DCDC1: variants seen among roughly 807,000 people sequenced by gnomAD.
The protein encoded by DCDC1 is doublecortin domain containing 1.
In DCDC1, 200 loss-of-function variants were observed where a neutral mutation model predicts 178.3. The observed-to-expected ratio is 1.12, with a 90% confidence interval of 1.00 to 1.26. The LOEUF (loss-of-function observed/expected upper bound fraction) is 1.26, where lower values mean the gene tolerates loss of function less well. DCDC1 is among the 50% of genes most tolerant of loss of function. DCDC1 has a pLI of 0.00. For synonymous variants in DCDC1, 690 were observed against 604.8 expected, an observed-to-expected ratio of 1.14 and a Z score of -2.07; for missense variants, 1,983 against 1,749.2, an observed-to-expected ratio of 1.13 and a Z score of -2.38.
At chr11:31,213,606 G>C (rs979798764) in intron 9 of DCDC1, among the ~76,000 whole-genome samples, 1 of 151,762 alleles carries the variant, frequency 6.6e-6, no homozygotes, top group African/African-American at 2.4e-5. Context: ...TGTAATCCCA[G>C]CTATTCAGGA....
chr11:30,910,760 T>G (rs1380173820), intron 28 of DCDC1, among the ~76,000 whole-genome samples: 4 of 152,140 alleles, frequency 2.6e-5, no homozygotes, highest in Non-Finnish European at 5.9e-5. Context: ...TGTCCAAAAC[T>G]CAAATGAAGC....
intron 6 of DCDC1, among the ~76,000 whole-genome samples, chr11:31,301,000 G>A (rs1948076169): frequency 6.6e-6 from 1 of 151,816 alleles, no homozygotes; most frequent in Admixed American, 6.6e-5. Flanking sequence ...ACACTTTTTT[G>A]GTCCATCTCT....
At chr11:30,912,549 C>T (rs1213216417) in intron 27 of DCDC1, among the ~76,000 whole-genome samples, 1 of 152,186 alleles carries the variant, frequency 6.6e-6, no homozygotes, top group African/African-American at 2.4e-5. Flanking sequence ...TCCCAAAGTG[C>T]TGGGATTACA....
intron 20 of DCDC1, among the ~76,000 whole-genome samples, chr11:30,977,099 A>G (rs1469505640): frequency 6.6e-6 from 1 of 152,184 alleles, no homozygotes; most frequent in East Asian, 1.9e-4. Context: ...AATATCACAC[A>G]TTCTCACTCA....
intron 20 of DCDC1, among the ~76,000 whole-genome samples, chr11:31,061,619 C>G (rs764523294): frequency 6.6e-6 from 1 of 151,992 alleles, no homozygotes. Context: ...ATCACATAAA[C>G]CCTGAGAAAT....
intron 9 of DCDC1, among the ~76,000 whole-genome samples, chr11:31,213,139 C>CTCTCTCTT (rs1565442401): frequency 6.4e-5 from 9 of 140,394 alleles, no homozygotes; most frequent in Non-Finnish European, 1.4e-4. Flanking sequence ...CTCTCTCTCT[C>CTCTCTCTT]TCTCTCTCTC....
At chr11:31,083,849 A>G (rs1046389412) in intron 17 of DCDC1, among the ~76,000 whole-genome samples, 1 of 152,226 alleles carries the variant, frequency 6.6e-6, no homozygotes, top group Non-Finnish European at 1.5e-5. Context: ...TTAGTTGAAC[A>G]CTAAAGTCCA....
chr11:30,934,075 T>G (rs344342), intron 21 of DCDC1, among the ~76,000 whole-genome samples: 3,308 of 152,258 alleles, frequency 0.022, 128 homozygotes, highest in African/African-American at 0.076. Flanking sequence ...TACCATCCCT[T>G]TGAGTGCATT....
chr11:30,949,547 C>G (rs1012621409), intron 21 of DCDC1, among the ~76,000 whole-genome samples: 1 of 152,128 alleles, frequency 6.6e-6, no homozygotes, highest in African/African-American at 2.4e-5. Flanking sequence ...TATAAAGACA[C>G]ATGCACATGT....
intron 1 of DCDC1, among the ~76,000 whole-genome samples, chr11:31,352,350 A>G (rs1383112225): frequency 6.6e-6 from 1 of 152,194 alleles, no homozygotes; most frequent in Non-Finnish European, 1.5e-5. Context: ...ATTTATTTAA[A>G]TAATGATATA....
chr11:31,362,171 T>C (rs1564932872), intron 1 of DCDC1, among the ~76,000 whole-genome samples: 2 of 152,216 alleles, frequency 1.3e-5, no homozygotes, highest in South Asian at 4.1e-4. Flanking sequence ...TTTAAGATTC[T>C]AAATTTAAAT....
intron 7 of DCDC1, among the ~76,000 whole-genome samples, chr11:31,287,387 C>G (rs887896809): frequency 1.3e-5 from 2 of 151,758 alleles, no homozygotes; most frequent in Non-Finnish European, 2.9e-5. Flanking sequence ...AGTAGGAGTT[C>G]CATAAAATAA....
At chr11:31,315,283 T>C (rs567715164) in intron 3 of DCDC1, among the ~76,000 whole-genome samples, 1 of 148,524 alleles carries the variant, frequency 6.7e-6, no homozygotes, top group South Asian at 2.2e-4. Context: ...CACATTGCCT[T>C]CCATAGTTCC....
intron 20 of DCDC1, among the ~76,000 whole-genome samples, chr11:31,047,722 T>C (rs1195348972): frequency 1.3e-5 from 2 of 152,164 alleles, no homozygotes; most frequent in Middle Eastern, 3.2e-3. Context: ...CAAAATTCCT[T>C]GAGGATGGAG....
chr11:30,997,258 A>G (rs1171570361), intron 20 of DCDC1, among the ~76,000 whole-genome samples: 1 of 152,204 alleles, frequency 6.6e-6, no homozygotes, highest in Non-Finnish European at 1.5e-5. Context: ...ATGATACTGG[A>G]GTGGTAAATA....
At chr11:31,157,210 C>T (rs1965794575) in intron 9 of DCDC1, among the ~76,000 whole-genome samples, 1 of 150,740 alleles carries the variant, frequency 6.6e-6, no homozygotes, top group Non-Finnish European at 1.5e-5. Flanking sequence ...AAGATTCCCT[C>T]TCCACAAAAC....
chr11:31,198,160 T>C (rs1268879861), intron 9 of DCDC1, among the ~76,000 whole-genome samples: 1 of 152,058 alleles, frequency 6.6e-6, no homozygotes, highest in Non-Finnish European at 1.5e-5. Context: ...CTCAGTAATC[T>C]GCCTCTGTTG....
chr11:31,214,303 T>C (rs1039942193), intron 9 of DCDC1, among the ~76,000 whole-genome samples: 4 of 152,184 alleles, frequency 2.6e-5, no homozygotes, highest in African/African-American at 9.6e-5. Context: ...ACTTTACCTA[T>C]ATGAAACTTT....
At chr11:31,188,675 T>C (rs1969792141) in intron 9 of DCDC1, among the ~76,000 whole-genome samples, 1 of 152,188 alleles carries the variant, frequency 6.6e-6, no homozygotes, top group Non-Finnish European at 1.5e-5. Context: ...ACACAAACAC[T>C]GGGCTGGTTC....
Sources: allele counts gnomAD v4.1 joint callset (sites outside exome capture counted in the v4.1 genomes callset), GRCh38; gene constraint gnomAD v4.1.1; transcripts MANE v1.5; gene names NCBI Gene and HGNC (gene_info 2026-07-23, HGNC 2026-07-21).